DMKN: variants seen among roughly 807,000 people sequenced by gnomAD.
DMKN encodes the protein dermokine.
In DMKN, 58 loss-of-function variants were observed where a neutral mutation model predicts 67.6. The ratio of observed to expected loss-of-function variants is 0.86; its 90% CI spans 0.69 to 1.07. The LOEUF (loss-of-function observed/expected upper bound fraction) is 1.07. DMKN is among the 50% of genes least tolerant of loss of function. DMKN has a pLI of 0.00. For synonymous variants in DMKN, 240 were observed against 232.3 expected (o/e 1.03, Z -0.30); for missense variants, 596 against 601.5 (o/e 0.99, Z 0.10).
chr19:35,511,310 C>G, intron 5 of DMKN, 101 bp downstream of exon 5: 1 of 1,569,780 alleles, frequency 6.4e-7, no homozygotes, highest in African/African-American at 1.3e-5. Context: ...GCCGCCCATC[C>G]TCGGGCAGCG....
intron 11 of DMKN, chr19:35,501,829 G>A (rs374116395): frequency 2.4e-4 from 374 of 1,572,334 alleles, no homozygotes; most frequent in South Asian, 9.4e-4. Flanking sequence ...CCACCCAGCC[G>A]TGGCTCCCCT....
In DMKN at chr19:35,509,826, T is replaced by G. The variant is rs559801504; in HGVS notation, c.1038+85A>C. 21 of 1,508,226 alleles carry G rather than the reference T, an allele frequency of 1.4e-5. No homozygotes were observed. The East Asian group carries it at 1.8e-4, about 13-fold the overall frequency. The allele number at this position is 1,508,226 out of a possible 1,614,324, so 93.4% of individuals were successfully genotyped here. A position where few individuals can be genotyped will look rare whatever the true frequency, so the allele number is the denominator to read the frequency against. On this transcript the variant is annotated intron_variant, in intron 7 of 15. Transcript: ENST00000339686. ...CCCTGCAGACAAGGCAGGAGGGGGT[T>G]GAGCAGAGTTGAGTTAGGAGGAGTG...
intron 12 of DMKN, 106 bp from the exon 13 acceptor site, chr19:35,500,135 C>G (rs1297572110): frequency 3.7e-6 from 5 of 1,351,710 alleles, no homozygotes; most frequent in African/African-American, 1.4e-5. Context: ...CCTAAAACAC[C>G]TGCCTGCTCC....
chr19:35,508,376 C>A, intron 7 of DMKN: 1 of 979,072 alleles, frequency 1.0e-6, no homozygotes, highest in Non-Finnish European at 1.5e-6. Context: ...CAAACACTGA[C>A]ATTTTTTTAG....
At chr19:35,505,072 G>A (rs1031305807) in intron 9 of DMKN, among the ~76,000 whole-genome samples, 5 of 149,406 alleles carry the variant, frequency 3.3e-5, no homozygotes, top group East Asian at 2.0e-4. Context: ...CTCCAATCAC[G>A]AATCGCAGCT....
chr19:35,502,703 TC>T, intron 10 of DMKN, 126 bp downstream of exon 10: 1 of 926,396 alleles, frequency 1.1e-6, no homozygotes, highest in South Asian at 1.4e-5. Flanking sequence ...AGACTCTGTC[TC>T]AAAAAAAAAA....
At chr19:35,508,144 C>T (rs2069957970) in intron 7 of DMKN, 1 of 1,547,226 alleles carries the variant, frequency 6.5e-7, no homozygotes, top group Non-Finnish European at 8.7e-7. Context: ...TCCTGGAGAA[C>T]AGACCTCTAC....
At chr19:35,508,480 C>T (rs1398225691) in intron 7 of DMKN, 1 of 431,538 alleles carries the variant, frequency 2.3e-6, no homozygotes, top group East Asian at 4.4e-5. Flanking sequence ...CTAAAGCTAC[C>T]ATAAATAAAG....
At chr19:35,505,599 T>C (rs2069312924) in intron 9 of DMKN, 119 bp downstream of exon 9, 8 of 1,370,502 alleles carry the variant, frequency 5.8e-6, no homozygotes, top group Admixed American at 1.9e-5. Flanking sequence ...TTAGTTTTTG[T>C]TTTTAGCACT....
chr19:35,511,011 C>G (rs1037943881), intron 5 of DMKN, among the ~76,000 whole-genome samples: 6 of 152,166 alleles, frequency 3.9e-5, no homozygotes, highest in African/African-American at 1.4e-4. Context: ...TCTCCCGGAT[C>G]ACAGTCCTGC....
chr19:35,499,696 G>GTT (rs2068030154), intron 13 of DMKN, among the ~76,000 whole-genome samples: 1 of 152,156 alleles, frequency 6.6e-6, no homozygotes. Context: ...TTGGTTCTCA[G>GTT]TTTTCTCTGT....
chr19:35,503,541 T>C, intron 9 of DMKN: 4 of 1,500,926 alleles, frequency 2.7e-6, no homozygotes, highest in Non-Finnish European at 3.6e-6. Context: ...AGTGGCACGA[T>C]ATCAGCTCAC....
chr19:35,500,365 G>T, intron 12 of DMKN, 168 bp downstream of exon 12: 1 of 1,551,654 alleles, frequency 6.4e-7, no homozygotes, highest in South Asian at 1.2e-5. Context: ...CGGGTCCATG[G>T]TAGATGTCTC....
Position 35,509,353 on chromosome 19 carries a change from C to T in DMKN, c.1038+558G>A, listed in dbSNP as rs188642237. ...CTAAAAAGAGATGTCTCTACTCAGCCCCAGCACCTCCGGTCTGGCCTTGCC... is the reference window on the plus strand; with the variant it reads ...CTAAAAAGAGATGTCTCTACTCAGCTCCAGCACCTCCGGTCTGGCCTTGCC... On this transcript the variant is annotated intron_variant, in intron 7 of 15. Coordinates refer to ENST00000339686, the MANE Select transcript of DMKN (RefSeq NM_033317.5). 2.7e-3 allele frequency among the ~76,000 whole-genome samples: 411 copies of T among 152,226 alleles called. 2 individuals carry two copies. Among genetic ancestry groups the T allele is most frequent in the African/African-American group, 8.9e-3 (369 of 41,526 alleles).
intron 9 of DMKN, among the ~76,000 whole-genome samples, chr19:35,505,024 T>TAA (rs60837281): frequency 0.051 from 7,178 of 141,278 alleles, 577 homozygotes; most frequent in African/African-American, 0.18. Flanking sequence ...TTCATATTCT[T>TAA]AAAAAAAAAA....
Position 35,499,113 on chromosome 19 carries a change from GGT to G in DMKN, c.1360-218_1360-217del, listed in dbSNP as rs2067933601. The G allele has an allele frequency of 4.4e-6, 3 of 684,324 alleles. 1 individual carries two copies. The highest frequency in any genetic ancestry group is 7.3e-6 in the Non-Finnish European group (3 of 408,806). The allele number at this position is 684,324 out of a possible 1,614,324, so 42.4% of individuals were successfully genotyped here. A position where few individuals can be genotyped will look rare whatever the true frequency, so the allele number is the denominator to read the frequency against. ...CTTGATCCAAGATGATATTGAACAT[GGT>G]TCCTGGGCACGTACTGACCAAGGGG... On this transcript the variant is annotated intron_variant, in intron 13 of 15. Coordinates refer to ENST00000339686, the MANE Select transcript of DMKN (RefSeq NM_033317.5).
At chr19:35,512,398 T>G in intron 3 of DMKN, 23 bp downstream of exon 3, 1 of 1,612,788 alleles carries the variant, frequency 6.2e-7, no homozygotes, top group Non-Finnish European at 8.5e-7. Flanking sequence ...CTTCTTCATT[T>G]GTTCCCAGCC....
At chr19:35,498,976 C>T in intron 13 of DMKN, 79 bp from the exon 14 acceptor site, 2 of 1,606,696 alleles carry the variant, frequency 1.2e-6, no homozygotes, top group Middle Eastern at 1.7e-4. Flanking sequence ...TCATGAAGGG[C>T]CCAGCAGCAA....
intron 1 of DMKN, 81 bp downstream of exon 1, chr19:35,512,968 CA>C: frequency 6.3e-7 from 1 of 1,577,276 alleles, no homozygotes; most frequent in Admixed American, 1.7e-5. Flanking sequence ...GAGATCCATC[CA>C]TCCTTTCAAC....
Sources: gnomAD v4.1 joint callset for allele counts (sites outside exome capture counted in the v4.1 genomes callset) on GRCh38, gnomAD v4.1.1 for gene constraint, MANE v1.5 for transcripts, NCBI Gene and HGNC (gene_info 2026-07-23, HGNC 2026-07-21) for gene names.